EPHA5: variants seen among roughly 807,000 people sequenced by gnomAD.
The protein encoded by EPHA5 is ephrin type-A receptor 5.
In EPHA5, 60 loss-of-function variants were observed where a neutral mutation model predicts 105.0. That is an observed-to-expected ratio of 0.57 (90% CI 0.46 to 0.71). The LOEUF (loss-of-function observed/expected upper bound fraction) is 0.71. EPHA5 is among the 30% of genes least tolerant of loss of function. EPHA5 has a pLI of 0.00. For missense variants in EPHA5, 1,218 were observed against 1,274.7 expected (o/e 0.96, Z 0.68); for synonymous variants, 513 against 449.1 (o/e 1.14, Z -1.80).
At chr4:65,383,537 C>T (rs536990627) in intron 8 of EPHA5, among the ~76,000 whole-genome samples, 2 of 151,878 alleles carry the variant, frequency 1.3e-5, no homozygotes, top group Non-Finnish European at 1.5e-5. Flanking sequence ...TTGGCAAGAA[C>T]ATTATAGGGA....
chr4:65,382,145 C>T (rs543141702), intron 8 of EPHA5, among the ~76,000 whole-genome samples: 1 of 151,702 alleles, frequency 6.6e-6, no homozygotes, highest in Non-Finnish European at 1.5e-5. Context: ...CACAAACAAA[C>T]AAAAACTAAT....
intron 14 of EPHA5, among the ~76,000 whole-genome samples, chr4:65,342,709 C>A (rs1007244710): frequency 6.6e-6 from 1 of 150,722 alleles, no homozygotes; most frequent in Non-Finnish European, 1.5e-5. Flanking sequence ...AAGCAATATA[C>A]ATAAACATAA....
At chr4:65,490,013 A>C (rs1355269461) in intron 5 of EPHA5, among the ~76,000 whole-genome samples, 1 of 152,212 alleles carries the variant, frequency 6.6e-6, no homozygotes, top group East Asian at 1.9e-4. Flanking sequence ...TGCTAAATTA[A>C]TGAGTTTTTA....
chr4:65,366,316 A>G (rs571680977), intron 9 of EPHA5, among the ~76,000 whole-genome samples: 1 of 151,954 alleles, frequency 6.6e-6, no homozygotes, highest in African/African-American at 2.4e-5. Flanking sequence ...ATACTTAGAA[A>G]GTCTCCAAGG....
At chr4:65,336,233 G>T in intron 14 of EPHA5, 108 bp from the exon 15 acceptor site, 1 of 789,418 alleles carries the variant, frequency 1.3e-6, no homozygotes, top group Non-Finnish European at 1.8e-6. Flanking sequence ...CCTTACTCTT[G>T]CAATAACAAC....
intron 3 of EPHA5, among the ~76,000 whole-genome samples, chr4:65,499,700 T>C (rs1732288690): frequency 6.6e-6 from 1 of 151,638 alleles, no homozygotes; most frequent in Non-Finnish European, 1.5e-5. Context: ...GGCAGTCTCC[T>C]ACCATACTCA....
At chr4:65,332,172 C>A (rs755361115) in intron 15 of EPHA5, 44 bp from the exon 16 acceptor site, 3 of 1,458,012 alleles carry the variant, frequency 2.1e-6, no homozygotes, top group East Asian at 2.6e-5. Flanking sequence ...CAATTTAATT[C>A]TTTTATAACA....
At chr4:65,415,199 C>T (rs1490379301) in intron 6 of EPHA5, among the ~76,000 whole-genome samples, 1 of 152,058 alleles carries the variant, frequency 6.6e-6, no homozygotes, top group African/African-American at 2.4e-5. Context: ...AGTTACCACA[C>T]CAACTTTACC....
intron 8 of EPHA5, among the ~76,000 whole-genome samples, chr4:65,369,287 A>G (rs1036041962): frequency 2.6e-5 from 4 of 152,196 alleles, no homozygotes; most frequent in Admixed American, 6.6e-5. Flanking sequence ...GTACAACATT[A>G]AACAACTGGC....
At chr4:65,512,555 C>T (rs750486256) in intron 3 of EPHA5, among the ~76,000 whole-genome samples, 1 of 151,946 alleles carries the variant, frequency 6.6e-6, no homozygotes, top group African/African-American at 2.4e-5. Context: ...AGTACCTCCC[C>T]GCTCTGTCTC....
chr4:65,592,865 C>G (rs1033487976), intron 3 of EPHA5, among the ~76,000 whole-genome samples: 1 of 152,052 alleles, frequency 6.6e-6, no homozygotes, highest in Non-Finnish European at 1.5e-5. Flanking sequence ...TGTGTTGCAC[C>G]GTAAATGTTG....
chr4:65,411,566 C>T (rs1722911073), intron 7 of EPHA5, among the ~76,000 whole-genome samples: 1 of 151,988 alleles, frequency 6.6e-6, no homozygotes, highest in Non-Finnish European at 1.5e-5. Context: ...ACAGATGGCT[C>T]ATTAAAGCCA....
intron 5 of EPHA5, among the ~76,000 whole-genome samples, chr4:65,479,686 A>T (rs1730166196): frequency 6.6e-6 from 1 of 152,166 alleles, no homozygotes; most frequent in Non-Finnish European, 1.5e-5. Context: ...GGTCTCTGTT[A>T]CTGGGTGAGT....
intron 3 of EPHA5, among the ~76,000 whole-genome samples, chr4:65,576,113 G>GAAGAAAAGAAAAGAAAAGAAAAGAAAAGA (rs1741000927): frequency 2.7e-5 from 1 of 36,672 alleles, no homozygotes; most frequent in Non-Finnish European, 6.0e-5. Context: ...GAAAAGAAAA[G>GAAGAAAAGAAAAGAAAAGAAAAGAAAAGA]AAAAAAGAAA....
chr4:65,541,444 T>C (rs1736822802), intron 3 of EPHA5, among the ~76,000 whole-genome samples: 1 of 151,854 alleles, frequency 6.6e-6, no homozygotes, highest in African/African-American at 2.4e-5. Context: ...AAGCAGGGGC[T>C]GCAATCCTAG....
intron 9 of EPHA5, 108 bp downstream of exon 9, chr4:65,367,249 A>C (rs1577931858): frequency 8.8e-6 from 8 of 910,562 alleles, no homozygotes; most frequent in Non-Finnish European, 1.3e-5. Flanking sequence ...AAAAAAAAAA[A>C]ACAATATTTT....
intron 3 of EPHA5, among the ~76,000 whole-genome samples, chr4:65,529,673 C>T (rs1735576963): frequency 1.3e-5 from 2 of 152,068 alleles, no homozygotes; most frequent in South Asian, 4.1e-4. Flanking sequence ...TTTCAGTTTT[C>T]AACCCTGAAT....
chr4:65,513,547 C>G (rs1250808950), intron 3 of EPHA5, among the ~76,000 whole-genome samples: 1 of 151,948 alleles, frequency 6.6e-6, no homozygotes, highest in Admixed American at 6.6e-5. Flanking sequence ...CCACCACGCC[C>G]GACTAATTTT....
chr4:65,450,335 T>C (rs1162450977), intron 5 of EPHA5, among the ~76,000 whole-genome samples: 2 of 152,192 alleles, frequency 1.3e-5, no homozygotes, highest in African/African-American at 4.8e-5. Context: ...GCTAAGTACA[T>C]TAGATCATTT....
Sources: gnomAD v4.1 joint callset for allele counts (sites outside exome capture counted in the v4.1 genomes callset) on GRCh38, gnomAD v4.1.1 for gene constraint, MANE v1.5 for transcripts, NCBI Gene and HGNC (gene_info 2026-07-23, HGNC 2026-07-21) for gene names.